The following SHB variants were observed in gnomAD, a reference collection of about 807,000 sequenced individuals.
SHB encodes SH2 domain containing adaptor protein B, also known as SH2 domain-containing adapter protein B.
In SHB, 20 loss-of-function variants were observed where a neutral mutation model predicts 52.3. That is an observed-to-expected ratio of 0.38 (90% CI 0.27 to 0.56). SHB has a LOEUF of 0.56. Ranked by LOEUF, SHB falls within the 20% of genes least tolerant of loss-of-function variation. The pLI is 0.71. For missense variants in SHB, 825 were observed against 723.3 expected, an observed-to-expected ratio of 1.14 and a Z score of -1.61; for synonymous variants, 397 against 316.5, an observed-to-expected ratio of 1.25 and a Z score of -2.70.
At chr9:38,038,606 G>T (rs1192024644) in intron 1 of SHB, among the ~76,000 whole-genome samples, 1 of 152,124 alleles carries the variant, frequency 6.6e-6, no homozygotes, top group Admixed American at 6.5e-5. Flanking sequence ...TGTGCTCAAT[G>T]TCACACAGCA....
Position 38,068,186 on chromosome 9 carries a change from A to G in SHB, c.460T>C (p.Ser154Pro). Residue 154 changes from serine to proline, a missense_variant, in exon 1 of 6, where the codon TCG becomes CCG. Ser to Pro is a moderately conservative substitution (Grantham distance 74, BLOSUM62 -1). Coordinates refer to ENST00000377707, the MANE Select transcript of SHB (RefSeq NM_003028.3). Reference protein sequence around the residue: ...SGAGAAASSSSSSGSPHLYRS... With the variant: ...SGAGAAASSSPSSGSPHLYRS... ...TAGAGATGCGGAGAGCCGGAGGACG[A>G]GGACGAGGACGCGGCGGCCCCCGCG... 7.1e-7 allele frequency: 1 copy of G among 1,414,746 alleles called. No individual in the cohort carries two copies. Among genetic ancestry groups the G allele is most frequent in the Non-Finnish European group, 9.1e-7 (1 of 1,097,708 alleles). The allele number at this position is 1,414,746 out of a possible 1,614,324, so 87.6% of individuals were successfully genotyped here.
chr9:37,966,120 T>A (rs779682908), intron 3 of SHB, among the ~76,000 whole-genome samples: 3 of 152,192 alleles, frequency 2.0e-5, no homozygotes, highest in African/African-American at 7.2e-5. Context: ...ATTACAGGCG[T>A]AAGCCACTGC....
chr9:38,007,693 A>G (rs1000342170), intron 2 of SHB, among the ~76,000 whole-genome samples: 1 of 152,248 alleles, frequency 6.6e-6, no homozygotes, highest in Non-Finnish European at 1.5e-5. Flanking sequence ...CAGGTACTTC[A>G]GGTTCTAACA....
At chr9:38,040,773 G>C (rs1437051371) in intron 1 of SHB, among the ~76,000 whole-genome samples, 1 of 152,142 alleles carries the variant, frequency 6.6e-6, no homozygotes, top group Non-Finnish European at 1.5e-5. Flanking sequence ...AAGAAAAGGA[G>C]TTTGGGGATA....
At position 38,067,968 on chromosome 9, in the gene SHB, G is replaced by C; in HGVS notation, c.678C>G (p.Ala226=). 6.4e-7 allele frequency: 1 copy of C among 1,553,538 alleles called. No individual in the cohort carries two copies. The highest frequency in any genetic ancestry group is 8.6e-7 in the Non-Finnish European group (1 of 1,159,606). The change falls in exon 1 of 6, where the codon GCC becomes GCG. Residue 226 remains alanine (A), a synonymous_variant. Transcript: ENST00000377707. ...CGGCCCCGCTCTCCTCCGCGGCTGA[G>C]GCGGCGCACTTGTTGAGCAGTTTCT... ...GGKKLLNKCA[A]SAAEESGAGK...
At chr9:37,956,129 C>T (rs569685905) in intron 3 of SHB, 75 bp from the exon 4 acceptor site, 125 of 1,380,890 alleles carry the variant, frequency 9.1e-5, no homozygotes, top group Middle Eastern at 2.5e-4. Flanking sequence ...AGAAGGGTAA[C>T]GTTCAGCTGG....
intron 2 of SHB, among the ~76,000 whole-genome samples, chr9:38,008,811 G>A (rs1262605917): frequency 6.6e-6 from 1 of 152,236 alleles, no homozygotes; most frequent in Non-Finnish European, 1.5e-5. Context: ...TTGAGGCCTG[G>A]AGAGGGTGAG....
intron 2 of SHB, among the ~76,000 whole-genome samples, chr9:37,998,351 G>C (rs1335192857): frequency 1.3e-5 from 2 of 152,126 alleles, no homozygotes; most frequent in African/African-American, 4.8e-5. Context: ...GCGCCCCAGA[G>C]ACTCACAACC....
intron 5 of SHB, among the ~76,000 whole-genome samples, chr9:37,921,579 T>G (rs1363587952): frequency 6.6e-6 from 1 of 152,224 alleles, no homozygotes; most frequent in Non-Finnish European, 1.5e-5. Flanking sequence ...GACTAATTCC[T>G]GTAAAGAACT....
rs1436959331 is a variant in SHB, at chr9:38,041,773, C to CGTT, written c.718-25643_718-25642insAAC. 2.6e-5 allele frequency among the ~76,000 whole-genome samples: 4 copies of CGTT among 152,194 alleles called. No individual in the cohort carries two copies. The South Asian group carries it at 6.2e-4, about 24-fold the overall frequency. On this transcript the variant is annotated intron_variant, in intron 1 of 5. Transcript: ENST00000377707. ...GATCAGCTGCCCTCCACAAACAGGT[C>CGTT]GTGACAGGGGCCGGTACTGAATGCC...
intron 1 of SHB, among the ~76,000 whole-genome samples, chr9:38,043,257 T>G (rs1024603671): frequency 6.6e-6 from 1 of 152,186 alleles, no homozygotes; most frequent in Non-Finnish European, 1.5e-5. Context: ...TATGCCACAG[T>G]GCCCTGTCCT....
At chr9:38,065,575 G>A (rs866228965) in intron 1 of SHB, among the ~76,000 whole-genome samples, 4 of 152,118 alleles carry the variant, frequency 2.6e-5, no homozygotes, top group Admixed American at 6.5e-5. Context: ...TTTGAGGATC[G>A]CTGCACTATA....
intron 2 of SHB, among the ~76,000 whole-genome samples, chr9:37,999,205 C>T (rs968481050): frequency 8.0e-5 from 12 of 150,750 alleles, no homozygotes; most frequent in African/African-American, 2.9e-4. Flanking sequence ...AGGAAAGTAA[C>T]ATGATCTAGC....
chr9:38,065,881 C>A (rs1821954408), intron 1 of SHB, among the ~76,000 whole-genome samples: 1 of 152,158 alleles, frequency 6.6e-6, no homozygotes, highest in Admixed American at 6.5e-5. Flanking sequence ...CAGGGTTCTT[C>A]TCCAGCCAAC....
rs1242496701 is a variant in SHB at position 38,068,250 on chromosome 9, G to C, written c.396C>G (p.Ser132=). 3 of 1,421,374 alleles carry C rather than the reference G, an allele frequency of 2.1e-6. No individual in the cohort carries two copies. In the Admixed American group the frequency reaches 9.8e-5, roughly 46 times the overall value. The allele number at this position is 1,421,374 out of a possible 1,614,324, so 88.0% of individuals were successfully genotyped here. A position where few individuals can be genotyped will look rare whatever the true frequency, so the allele number is the denominator to read the frequency against. ...GGVQRAFSAS[S]ASGAAGCCCA... Reference sequence around the variant, plus strand: ...AGCAACAGCCCGCGGCGCCCGACGCGGACGAGGCCGAGAAGGCGCGCTGGA... The same window carrying C: ...AGCAACAGCCCGCGGCGCCCGACGCCGACGAGGCCGAGAAGGCGCGCTGGA... Residue 132 remains serine (S), a synonymous_variant, in exon 1 of 6, where the codon TCC becomes TCG. Coordinates refer to ENST00000377707, the MANE Select transcript of SHB (RefSeq NM_003028.3).
At chr9:37,945,318 C>A (rs1425095620) in intron 5 of SHB, among the ~76,000 whole-genome samples, 4 of 152,214 alleles carry the variant, frequency 2.6e-5, no homozygotes, top group Non-Finnish European at 4.4e-5. Flanking sequence ...GGTGCTTGCT[C>A]CAGGCAGCCA....
rs891242105 is a variant in SHB at position 38,068,285 on chromosome 9, G to A, written c.361C>T (p.Pro121Ser). 3 of 1,477,372 alleles carry A rather than the reference G, an allele frequency of 2.0e-6. No individual in the cohort carries two copies. Among genetic ancestry groups the A allele is most frequent in the African/African-American group, 2.9e-5 (2 of 68,140 alleles). The allele number at this position is 1,477,372 out of a possible 1,614,324, so 91.5% of individuals were successfully genotyped here. A position where few individuals can be genotyped will look rare whatever the true frequency, so the allele number is the denominator to read the frequency against. ...GAGAAGGCGCGCTGGACCCCGCCTG[G>A]CTCCCCGCTGCCGCCGCAGTAGTCC... ...RLDYCGGSGE[P>S]GGVQRAFSAS... is the part of the protein sequence containing the mutation. The change falls in exon 1 of 6, where the codon CCA (proline) becomes TCA (serine). Residue 121 changes from proline to serine, a missense_variant. By Grantham distance (74) the Pro-to-Ser change is moderately conservative (BLOSUM62 -1). Transcript: ENST00000377707.
At chr9:38,048,961 G>A (rs1821697552) in intron 1 of SHB, among the ~76,000 whole-genome samples, 1 of 152,076 alleles carries the variant, frequency 6.6e-6, no homozygotes, top group South Asian at 2.1e-4. Flanking sequence ...ACATTTTTAG[G>A]GCAACAATAC....
chr9:38,015,383 T>C (rs1489540460), intron 2 of SHB: 2 of 702,696 alleles, frequency 2.8e-6, no homozygotes, highest in South Asian at 1.5e-5. Flanking sequence ...CCCAGCCACA[T>C]TCTTCTTGAC....
Sources: allele counts gnomAD v4.1 joint callset (sites outside exome capture counted in the v4.1 genomes callset), GRCh38; gene constraint gnomAD v4.1.1; transcripts MANE v1.5; gene names NCBI Gene and HGNC (gene_info 2026-07-23, HGNC 2026-07-21).